The following METAP1 variants were observed in gnomAD, a reference collection of about 807,000 sequenced individuals.
The protein encoded by METAP1 is methionyl aminopeptidase 1, also known as methionine aminopeptidase 1.
Under a neutral mutation model 53.8 loss-of-function variants are expected in METAP1, and 28 were observed. The ratio of observed to expected loss-of-function variants is 0.52; its 90% CI spans 0.39 to 0.71. METAP1 has a LOEUF of 0.71. Among genes scored for constraint, METAP1 ranks in the 30% least tolerant of loss-of-function variants. METAP1 has a pLI of 0.00. For synonymous variants in METAP1, 181 were observed against 165.7 expected (o/e 1.09, Z -0.71); for missense variants, 389 against 479.8 (o/e 0.81, Z 1.77).
intron 1 of METAP1, among the ~76,000 whole-genome samples, chr4:99,025,691 C>G (rs1316998801): frequency 1.3e-5 from 2 of 152,170 alleles, no homozygotes; most frequent in Non-Finnish European, 2.9e-5. Context: ...GGCACTCTAA[C>G]CTGAAAGACT....
chr4:99,053,230 A>C (rs182076465), intron 9 of METAP1, among the ~76,000 whole-genome samples: 1 of 152,190 alleles, frequency 6.6e-6, no homozygotes, highest in East Asian at 1.9e-4. Flanking sequence ...CCCATGAATC[A>C]CAATTTTTTG....
chr4:99,061,704 T>A lies in METAP1; in HGVS notation c.*387T>A, dbSNP rs531764647. 9.7e-4 allele frequency: 151 copies of A among 156,464 alleles called. No individual in the cohort carries two copies. The highest frequency in any genetic ancestry group is 2.8e-3 in the African/African-American group (118 of 41,706). The allele number at this position is 156,464 out of a possible 1,614,324, so 9.7% of individuals were successfully genotyped here. Reference sequence around the variant, plus strand: ...GCAATATGTGTTGCACCAGATTTTTTAAATTATATATATGGAAATATATAT... The same window carrying A: ...GCAATATGTGTTGCACCAGATTTTTAAAATTATATATATGGAAATATATAT... On this transcript the variant is annotated 3_prime_UTR_variant, in exon 11 of 11. Transcript: ENST00000296411.
intron 1 of METAP1, among the ~76,000 whole-genome samples, chr4:98,996,094 C>G (rs1002991693): frequency 6.6e-6 from 1 of 152,164 alleles, no homozygotes; most frequent in Non-Finnish European, 1.5e-5. Context: ...GGGCGCCACC[C>G]GCCGCGGCCA....
intron 1 of METAP1, among the ~76,000 whole-genome samples, chr4:99,019,263 T>C (rs1254815387): frequency 6.6e-6 from 1 of 152,146 alleles, no homozygotes; most frequent in East Asian, 1.9e-4. Flanking sequence ...AGGAATGTTA[T>C]TAGTTAATGG....
intron 1 of METAP1, among the ~76,000 whole-genome samples, chr4:99,018,394 G>T (rs1193173807): frequency 1.3e-5 from 2 of 152,176 alleles, no homozygotes; most frequent in Non-Finnish European, 2.9e-5. Context: ...AGGATTAATT[G>T]TAAATGTGGT....
intron 1 of METAP1, among the ~76,000 whole-genome samples, chr4:98,998,267 A>G (rs1262093631): frequency 2.0e-5 from 3 of 152,220 alleles, no homozygotes; most frequent in African/African-American, 7.2e-5. Flanking sequence ...TCACACCTGT[A>G]ATCTCAGCAC....
chr4:98,997,947 GCAAA>G (rs1722716634), intron 1 of METAP1, among the ~76,000 whole-genome samples: 2 of 152,084 alleles, frequency 1.3e-5, no homozygotes, highest in Admixed American at 1.3e-4. Context: ...TCCTCCCCTT[GCAAA>G]CAAACGCCCA....
At chr4:99,005,893 GTA>G in intron 1 of METAP1, 1 of 285,290 alleles carries the variant, frequency 3.5e-6, no homozygotes, top group East Asian at 9.6e-5. Flanking sequence ...ATTCGGAGTG[GTA>G]TAATGGACTT....
chr4:98,995,904 C>A, intron 1 of METAP1, 37 bp downstream of exon 1: 1 of 1,471,980 alleles, frequency 6.8e-7, no homozygotes, highest in East Asian at 2.6e-5. Context: ...GCCGCCGCTG[C>A]GGGACCCCTC....
Position 99,061,437 on chromosome 4 carries a change from A to G in METAP1, c.*120A>G, listed in dbSNP as rs1727542260. ...GTTTTGTTTTGACTATAGATAAGAA[A>G]GGACTACAGCATTTGATGTGTGTCC... On this transcript the variant is annotated 3_prime_UTR_variant, in exon 11 of 11. Transcript: ENST00000296411. The G allele has an allele frequency of 3.2e-6, 3 of 929,478 alleles. No homozygotes were observed. Among genetic ancestry groups the G allele is most frequent in the Non-Finnish European group, 4.7e-6 (3 of 633,738 alleles). The allele number at this position is 929,478 out of a possible 1,614,324, so 57.6% of individuals were successfully genotyped here. A position where few individuals can be genotyped will look rare whatever the true frequency, so the allele number is the denominator to read the frequency against.
At chr4:99,030,411 A>C (rs1724925171) in intron 2 of METAP1, among the ~76,000 whole-genome samples, 1 of 152,208 alleles carries the variant, frequency 6.6e-6, no homozygotes, top group Non-Finnish European at 1.5e-5. Flanking sequence ...TCTAGTGTTT[A>C]GTATGGTGCC....
chr4:99,057,689 G>A, intron 9 of METAP1, 64 bp from the exon 10 acceptor site: 1 of 1,150,264 alleles, frequency 8.7e-7, no homozygotes, highest in African/African-American at 1.6e-5. Flanking sequence ...ACTCTTTCTA[G>A]TTAGCTGTTC....
chr4:99,012,363 T>A (rs1323937892), intron 1 of METAP1, among the ~76,000 whole-genome samples: 1 of 150,698 alleles, frequency 6.6e-6, no homozygotes, highest in Non-Finnish European at 1.5e-5. Flanking sequence ...CTTTGCCTCC[T>A]GGATTCAAGT....
At chr4:99,027,214 A>C (rs1056437555) in intron 1 of METAP1, among the ~76,000 whole-genome samples, 1 of 152,218 alleles carries the variant, frequency 6.6e-6, no homozygotes, top group African/African-American at 2.4e-5. Context: ...CAAAAACCAG[A>C]TTAATAGGAG....
chr4:99,030,219 C>T (rs1252381760), intron 2 of METAP1, among the ~76,000 whole-genome samples: 1 of 152,096 alleles, frequency 6.6e-6, no homozygotes, highest in African/African-American at 2.4e-5. Flanking sequence ...TTAAAATCGG[C>T]CTCTCCCTCA....
chr4:98,995,855 C>T lies in METAP1; in HGVS notation c.102C>T (p.Tyr34=). The T allele has an allele frequency of 1.3e-6, 2 of 1,541,468 alleles. No individual in the cohort carries two copies. Among genetic ancestry groups the T allele is most frequent in the Non-Finnish European group, 1.8e-6 (2 of 1,142,232 alleles). ...TCAAGCTGGGCATCCAGGGCTCGTA[C>T]TTCTGCTCGCAGGTAGGCGCCCGCT... The part of the protein sequence containing the change: ...TCIKLGIQGS[Y]FCSQECFKGS... Residue 34 remains tyrosine, a synonymous_variant, in exon 1 of 11, where the codon TAC becomes TAT. Transcript: ENST00000296411.
In METAP1 at chr4:99,062,013, A is replaced by T. The variant is rs925990295; in HGVS notation, c.*696A>T. 1 of 152,242 alleles carries T rather than the reference A, an allele frequency of 6.6e-6. No individual in the cohort carries two copies. The highest frequency in any genetic ancestry group is 1.5e-5 in the Non-Finnish European group (1 of 68,048). 9.4% of individuals were successfully genotyped at this position (152,242 alleles called of 1,614,324 possible). On this transcript the variant is annotated 3_prime_UTR_variant, in exon 11 of 11. Coordinates refer to ENST00000296411, the MANE Select transcript of METAP1 (RefSeq NM_015143.3). ...CACTTTGGAAGGTTATCAGGCTTTT[A>T]AAAATCTAGTTTATGGCAAAAATAG...
intron 9 of METAP1, among the ~76,000 whole-genome samples, chr4:99,053,710 C>G (rs1206620319): frequency 6.6e-6 from 1 of 152,130 alleles, no homozygotes; most frequent in African/African-American, 2.4e-5. Context: ...CCTTCTTGAT[C>G]CATGAGCTAC....
At position 99,028,816 on chromosome 4, in the gene METAP1, G is replaced by A. The variant is rs945728612; in HGVS notation, c.115-51G>A. 1.7e-5 allele frequency: 22 copies of A among 1,328,156 alleles called. 1 individual carries two copies. The highest frequency in any genetic ancestry group is 1.5e-5 in the African/African-American group (1 of 67,674). 82.3% of individuals were successfully genotyped at this position (1,328,156 alleles called of 1,614,324 possible). On this transcript the variant is annotated intron_variant, in intron 1 of 10. Coordinates refer to ENST00000296411, the MANE Select transcript of METAP1 (RefSeq NM_015143.3). ...GCTTATATACAATATTCCTTAAAAT[G>A]TTTCTTATTAAGGAAGGCCTGACAC... is the stretch of plus-strand genomic sequence containing the variant.
Sources: allele counts gnomAD v4.1 joint callset (sites outside exome capture counted in the v4.1 genomes callset), GRCh38; gene constraint gnomAD v4.1.1; transcripts MANE v1.5; gene names NCBI Gene and HGNC (gene_info 2026-07-23, HGNC 2026-07-21).